Variants in LRMDA observed in about 807,000 individuals in gnomAD.
LRMDA encodes the protein leucine-rich melanocyte differentiation-associated protein.
LRMDA carries 18 observed loss-of-function variants against 29.8 expected under a neutral mutation model. That is an observed-to-expected ratio of 0.60 (90% CI 0.42 to 0.90). LRMDA has a LOEUF of 0.90. Ranked by LOEUF, LRMDA falls within the 40% of genes least tolerant of loss-of-function variation. The pLI, the probability that LRMDA is intolerant of heterozygous loss-of-function variation, is 0.00. For missense variants in LRMDA, 273 were observed against 273.9 expected (o/e 1.00, Z 0.02); for synonymous variants, 125 against 109.4 (o/e 1.14, Z -0.89).
At chr10:75,958,552 A>G (rs555682075) in intron 2 of LRMDA, among the ~76,000 whole-genome samples, 1 of 146,694 alleles carries the variant, frequency 6.8e-6, no homozygotes, top group Non-Finnish European at 1.5e-5. Flanking sequence ...AGCATCCCCT[A>G]AGAGTTCAGG....
At chr10:76,493,801 G>C (rs890189642) in intron 6 of LRMDA, among the ~76,000 whole-genome samples, 1 of 151,974 alleles carries the variant, frequency 6.6e-6, no homozygotes, top group South Asian at 2.1e-4. Context: ...GATTGGGATT[G>C]TCTTAAATCT....
intron 2 of LRMDA, among the ~76,000 whole-genome samples, chr10:75,578,863 C>T (rs1589191686): frequency 7.1e-6 from 1 of 141,414 alleles, no homozygotes; most frequent in African/African-American, 2.5e-5. Flanking sequence ...TTCTTTGAAA[C>T]CAATGAAAAC....
chr10:75,554,842 G>A (rs560245341), intron 2 of LRMDA, among the ~76,000 whole-genome samples: 2 of 152,328 alleles, frequency 1.3e-5, no homozygotes, highest in South Asian at 4.1e-4. Context: ...AAGGATGATT[G>A]AGTAGATGCA....
chr10:76,096,856 A>G (rs983624984), intron 5 of LRMDA, among the ~76,000 whole-genome samples: 2 of 152,134 alleles, frequency 1.3e-5, no homozygotes, highest in Admixed American at 1.3e-4. Context: ...GCTTTGTGCT[A>G]TTATAAATGG....
chr10:75,783,035 G>A, intron 2 of LRMDA: 1 of 1,613,972 alleles, frequency 6.2e-7, no homozygotes, highest in East Asian at 2.2e-5. Context: ...TAGCCAGACA[G>A]GACCCTTAAT....
intron 2 of LRMDA, among the ~76,000 whole-genome samples, chr10:75,468,665 T>C (rs1194581857): frequency 6.6e-6 from 1 of 151,946 alleles, no homozygotes; most frequent in Non-Finnish European, 1.5e-5. Context: ...CCAGAGTAGG[T>C]TTTCACAGGT....
rs1487838126 is a variant in LRMDA, at chr10:76,497,344, A to G, written c.602-59865A>G. Among the ~76,000 whole-genome samples, 3 of 75,850 alleles carry G rather than the reference A, an allele frequency of 4.0e-5. 1 individual carries two copies. Among genetic ancestry groups the G allele is most frequent in the Non-Finnish European group, 1.3e-4 (3 of 22,774 alleles). The allele number at this position is 75,850 out of a possible 152,430, so 49.8% of individuals were successfully genotyped here. A position where few individuals can be genotyped will look rare whatever the true frequency, so the allele number is the denominator to read the frequency against. Reference sequence around the variant, plus strand: ...ATGACTAGTGTTTTGATAACACAGAATCATGATCTGCTTTGACATTCCAAA... The same window carrying G: ...ATGACTAGTGTTTTGATAACACAGAGTCATGATCTGCTTTGACATTCCAAA... On this transcript the variant is annotated intron_variant, in intron 6 of 6. Transcript: ENST00000611255.
chr10:75,474,052 T>C (rs1216657852), intron 2 of LRMDA, among the ~76,000 whole-genome samples: 3 of 152,182 alleles, frequency 2.0e-5, no homozygotes. Flanking sequence ...TCTCCTTGCA[T>C]TGCGTTCCAA....
intron 2 of LRMDA, among the ~76,000 whole-genome samples, chr10:76,011,118 CT>C (rs959011406): frequency 2.6e-5 from 4 of 152,016 alleles, no homozygotes; most frequent in Non-Finnish European, 4.4e-5. Flanking sequence ...TCAGTGTTAA[CT>C]TTTTTTTAGG....
chr10:76,322,651 G>A (rs2132395892), intron 5 of LRMDA, among the ~76,000 whole-genome samples: 1 of 152,298 alleles, frequency 6.6e-6, no homozygotes, highest in South Asian at 2.1e-4. Context: ...GAAAAAAGCT[G>A]TCATCAAATT....
At chr10:76,069,069 A>G (rs572266798) in intron 5 of LRMDA, among the ~76,000 whole-genome samples, 1 of 152,300 alleles carries the variant, frequency 6.6e-6, no homozygotes, top group East Asian at 1.9e-4. Context: ...AAGTTCCCAG[A>G]CAGCTGTTGG....
intron 2 of LRMDA, among the ~76,000 whole-genome samples, chr10:75,969,352 A>C (rs1846924613): frequency 1.3e-5 from 2 of 152,192 alleles, no homozygotes; most frequent in South Asian, 2.1e-4. Flanking sequence ...AATCCCTTTG[A>C]CATGTATTTG....
chr10:75,555,967 G>A (rs963173251), intron 2 of LRMDA, among the ~76,000 whole-genome samples: 5 of 152,124 alleles, frequency 3.3e-5, no homozygotes, highest in Admixed American at 2.0e-4. Context: ...AGATGACAGC[G>A]CAAGAGTCAG....
intron 5 of LRMDA, among the ~76,000 whole-genome samples, chr10:76,285,004 A>C (rs1481579878): frequency 2.6e-5 from 4 of 152,180 alleles, no homozygotes; most frequent in African/African-American, 9.7e-5. Flanking sequence ...TGTTAGCAGT[A>C]TGAGAATAGA....
At chr10:76,180,021 G>A (rs1010700758) in intron 5 of LRMDA, among the ~76,000 whole-genome samples, 3 of 152,292 alleles carry the variant, frequency 2.0e-5, no homozygotes, top group Non-Finnish European at 2.9e-5. Context: ...CTTTGGGGTC[G>A]TTAGCTTTCG....
intron 5 of LRMDA, among the ~76,000 whole-genome samples, chr10:76,062,584 A>G (rs958155563): frequency 4.0e-5 from 6 of 151,762 alleles, no homozygotes; most frequent in African/African-American, 1.2e-4. Flanking sequence ...TGATTGTTGT[A>G]GAGAAAGATG....
intron 6 of LRMDA, among the ~76,000 whole-genome samples, chr10:76,397,099 A>G (rs1316826494): frequency 6.6e-6 from 1 of 152,052 alleles, no homozygotes; most frequent in African/African-American, 2.4e-5. Flanking sequence ...GTGTGAGCAA[A>G]ATCATTTTAT....
At chr10:75,912,361 T>G (rs1845856543) in intron 2 of LRMDA, among the ~76,000 whole-genome samples, 1 of 152,194 alleles carries the variant, frequency 6.6e-6, no homozygotes, top group Non-Finnish European at 1.5e-5. Flanking sequence ...TGCAAAGTGC[T>G]GAGGTAAAGA....
At chr10:75,755,042 G>T (rs559028347) in intron 2 of LRMDA, among the ~76,000 whole-genome samples, 34 of 145,138 alleles carry the variant, frequency 2.3e-4, no homozygotes, top group Admixed American at 4.8e-4. Context: ...AAGTTTTTTG[G>T]TTTTTTTTTT....
Sources: gnomAD v4.1 joint callset for allele counts (sites outside exome capture counted in the v4.1 genomes callset) on GRCh38, gnomAD v4.1.1 for gene constraint, MANE v1.5 for transcripts, NCBI Gene and HGNC (gene_info 2026-07-23, HGNC 2026-07-21) for gene names.